RBFOX2: variants seen among roughly 807,000 people sequenced by gnomAD.
RBFOX2 encodes the protein RNA binding fox-1 homolog 2, also known as RNA binding protein fox-1 homolog 2.
In RBFOX2, 10 loss-of-function variants were observed where a neutral mutation model predicts 49.1. The observed-to-expected ratio is 0.20, with a 90% CI of 0.13 to 0.35. The LOEUF is 0.35. Ranked by LOEUF, RBFOX2 falls within the 10% of genes least tolerant of loss-of-function variation. RBFOX2 has a pLI of 1.00. For synonymous variants in RBFOX2, 183 were observed against 187.4 expected (o/e 0.98, Z 0.19); for missense variants, 323 against 486.9 (o/e 0.66, Z 3.17).
chr22:35,772,752 T>C (rs1427835805), intron 4 of RBFOX2, among the ~76,000 whole-genome samples: 1 of 152,156 alleles, frequency 6.6e-6, no homozygotes, highest in African/African-American at 2.4e-5. Context: ...GTGACAGCAA[T>C]TTCACAGCCT....
At chr22:35,845,234 T>C (rs953500292), upstream of RBFOX2, among the ~76,000 whole-genome samples, 34 of 152,142 alleles carry the variant, frequency 2.2e-4, no homozygotes, top group Non-Finnish European at 4.7e-4. Context: ...AGATATTAAA[T>C]ACCTTTCCAG....
chr22:35,863,830 ATGTTTC>A (rs1490591921), intron 1 of RBFOX2, among the ~76,000 whole-genome samples: 1 of 152,190 alleles, frequency 6.6e-6, no homozygotes, highest in African/African-American at 2.4e-5. Flanking sequence ...GCTTCACTGA[ATGTTTC>A]TGTGCAGCTC....
chr22:35,997,529 T>C (rs1013450011), intron 1 of RBFOX2: 1 of 152,218 alleles, frequency 6.6e-6, no homozygotes, highest in African/African-American at 2.4e-5. Flanking sequence ...TGTATTTACA[T>C]TCCATCTCAT....
chr22:35,777,292 G>A lies in RBFOX2; in HGVS notation c.453+733C>T, dbSNP rs190647322. ...CTCCCAAAGTGCTGGGATTACAGGC[G>A]TGAGCCACTGCGCCCAGCCTAATAG... On this transcript the variant is annotated intron_variant, in intron 4 of 11. Transcript: ENST00000405409. Among the ~76,000 whole-genome samples, 135 of 152,318 alleles carry A rather than the reference G, an allele frequency of 8.9e-4. 1 individual carries two copies. The highest frequency in any genetic ancestry group is 3.0e-3 in the African/African-American group (126 of 41,572).
chr22:35,869,710 T>C (rs1382784324), intron 1 of RBFOX2, among the ~76,000 whole-genome samples: 2 of 152,180 alleles, frequency 1.3e-5, no homozygotes, highest in Admixed American at 6.5e-5. Flanking sequence ...CTTATGGTCA[T>C]GTCCAAATTT....
chr22:36,001,288 A>G (rs1603464705), intron 1 of RBFOX2, among the ~76,000 whole-genome samples: 1 of 151,944 alleles, frequency 6.6e-6, no homozygotes, highest in East Asian at 1.9e-4. Flanking sequence ...AATCCAAAAG[A>G]CAAGTGACAA....
At chr22:35,882,570 C>A (rs1367471393) in intron 1 of RBFOX2, among the ~76,000 whole-genome samples, 1 of 152,058 alleles carries the variant, frequency 6.6e-6, no homozygotes, top group Non-Finnish European at 1.5e-5. Context: ...CGGGACTAAT[C>A]CAATAAAGAC....
At chr22:35,867,065 TATGCACACAC>T (rs1391612979) in intron 1 of RBFOX2, among the ~76,000 whole-genome samples, 2 of 149,912 alleles carry the variant, frequency 1.3e-5, no homozygotes, top group Admixed American at 6.6e-5. Context: ...AGGGATTTTA[TATGCACACAC>T]ATGCACACAC....
At chr22:35,946,043 A>G (rs573594285) in intron 1 of RBFOX2, among the ~76,000 whole-genome samples, 2 of 152,218 alleles carry the variant, frequency 1.3e-5, no homozygotes, top group East Asian at 1.9e-4. Context: ...AGTATGTTTC[A>G]TGGTAAAATC....
intron 3 of RBFOX2, among the ~76,000 whole-genome samples, chr22:35,780,264 T>C (rs1432311891): frequency 6.6e-6 from 1 of 151,942 alleles, no homozygotes; most frequent in Non-Finnish European, 1.5e-5. Context: ...CAGTGTCTTG[T>C]CACCGTGAAG....
At chr22:35,957,654 C>T (rs2055729026) in intron 1 of RBFOX2, among the ~76,000 whole-genome samples, 1 of 152,146 alleles carries the variant, frequency 6.6e-6, no homozygotes, top group Admixed American at 6.5e-5. Flanking sequence ...AGGTTCATTC[C>T]CTTGAGTTTC....
chr22:35,914,795 G>A (rs1415771059), intron 1 of RBFOX2, among the ~76,000 whole-genome samples: 2 of 152,198 alleles, frequency 1.3e-5, no homozygotes, highest in East Asian at 3.8e-4. Context: ...AACAGCAAAA[G>A]CATCTGCTCA....
chr22:35,973,631 A>G (rs982743326), intron 1 of RBFOX2, among the ~76,000 whole-genome samples: 1 of 152,196 alleles, frequency 6.6e-6, no homozygotes, highest in Non-Finnish European at 1.5e-5. Context: ...AACCACATAC[A>G]AAGTTTTTGC....
intron 1 of RBFOX2, among the ~76,000 whole-genome samples, chr22:35,946,513 G>A (rs571385342): frequency 2.0e-5 from 3 of 152,234 alleles, no homozygotes; most frequent in Non-Finnish European, 2.9e-5. Context: ...ATCAGGTGAC[G>A]CTTATCTGGC....
At chr22:35,834,503 C>T (rs1040075778) in intron 1 of RBFOX2, among the ~76,000 whole-genome samples, 4 of 152,024 alleles carry the variant, frequency 2.6e-5, no homozygotes, top group Non-Finnish European at 5.9e-5. Flanking sequence ...TAACAATCAA[C>T]GGTAAGAACT....
chr22:35,739,487 G>T (rs1318723033), exon 12 of RBFOX2: 1 of 152,450 alleles, frequency 6.6e-6, no homozygotes, highest in South Asian at 2.1e-4. Context: ...ATCCCTTAGG[G>T]AAAAAAGAGG....
upstream of RBFOX2, among the ~76,000 whole-genome samples, chr22:35,943,626 C>T (rs1374114678): frequency 2.0e-5 from 3 of 152,134 alleles, no homozygotes; most frequent in Non-Finnish European, 4.4e-5. Flanking sequence ...TGGCCAGGCG[C>T]GGTGGCTCAC....
intron 1 of RBFOX2, among the ~76,000 whole-genome samples, chr22:35,831,625 A>G (rs939851112): frequency 1.4e-4 from 22 of 152,176 alleles, no homozygotes; most frequent in Non-Finnish European, 2.8e-4. Context: ...GTTGTGACAG[A>G]AACAACATGG....
intron 1 of RBFOX2, among the ~76,000 whole-genome samples, chr22:35,921,679 C>T (rs759098989): frequency 1.3e-5 from 2 of 152,190 alleles, no homozygotes; most frequent in Non-Finnish European, 2.9e-5. Context: ...AATTGGTCTT[C>T]CACTTAAAGC....
Sources: gnomAD v4.1 joint callset for allele counts (sites outside exome capture counted in the v4.1 genomes callset) on GRCh38, gnomAD v4.1.1 for gene constraint, MANE v1.5 for transcripts, NCBI Gene and HGNC (gene_info 2026-07-23, HGNC 2026-07-21) for gene names.